DLG1: variants seen among roughly 807,000 people sequenced by gnomAD.
The protein encoded by DLG1 is discs large MAGUK scaffold protein 1.
A neutral mutation model predicts 123.4 loss-of-function variants in DLG1; 42 were observed. The ratio of observed to expected loss-of-function variants is 0.34; its 90% confidence interval spans 0.27 to 0.44. The LOEUF is 0.44. DLG1 is among the 20% of genes least tolerant of loss of function. The pLI, the probability that DLG1 is intolerant of heterozygous loss-of-function variation, is 1.00. For synonymous variants in DLG1, 317 were observed against 356.2 expected, an observed-to-expected ratio of 0.89 and a Z score of 1.24; for missense variants, 942 against 1,082.6, an observed-to-expected ratio of 0.87 and a Z score of 1.82.
intron 16 of DLG1, among the ~76,000 whole-genome samples, chr3:197,082,705 AAC>A (rs1405569349): frequency 6.6e-6 from 1 of 152,226 alleles, no homozygotes; most frequent in African/African-American, 2.4e-5. Context: ...TACATTCAAG[AAC>A]GAAATGGCAT....
At position 197,043,343 on chromosome 3, in the gene DLG1, G is replaced by C. The variant is rs1007740870; in HGVS notation, c.*1280C>G. On this transcript the variant is annotated 3_prime_UTR_variant, in exon 25 of 25. Transcript: ENST00000667157. ...TGACAAGAACAACAGTAACAACACG[G>C]ACAACAACAAAAAACCTCAGGAACC... The C allele has an allele frequency of 6.6e-6, 1 of 152,142 alleles. No individual in the cohort carries two copies. Among genetic ancestry groups the C allele is most frequent in the South Asian group, 2.1e-4 (1 of 4,810 alleles). The allele number at this position is 152,142 out of a possible 1,614,324, so 9.4% of individuals were successfully genotyped here. A position where few individuals can be genotyped will look rare whatever the true frequency, so the allele number is the denominator to read the frequency against.
intron 4 of DLG1, among the ~76,000 whole-genome samples, chr3:197,219,532 T>TAAGC (rs1735841609): frequency 6.6e-6 from 1 of 152,170 alleles, no homozygotes; most frequent in Non-Finnish European, 1.5e-5. Context: ...CCTTTACTAA[T>TAAGC]AAGCCCTGGC....
chr3:197,233,527 C>T (rs1744361025), intron 4 of DLG1, among the ~76,000 whole-genome samples: 1 of 152,188 alleles, frequency 6.6e-6, no homozygotes, highest in South Asian at 2.1e-4. Context: ...GCTGGGATTA[C>T]AGGTGCGCAC....
intron 4 of DLG1, among the ~76,000 whole-genome samples, chr3:197,210,353 A>G (rs1024268696): frequency 2.1e-5 from 3 of 145,286 alleles, no homozygotes; most frequent in African/African-American, 7.3e-5. Flanking sequence ...GTATATTAAC[A>G]AAGCCAAATA....
intron 13 of DLG1, among the ~76,000 whole-genome samples, chr3:197,114,672 A>G (rs1772058969): frequency 6.6e-6 from 1 of 152,190 alleles, no homozygotes; most frequent in South Asian, 2.1e-4. Context: ...TAGCATGTAT[A>G]TGAAAGCTTT....
At chr3:197,295,965 A>G (rs1365187258) in intron 3 of DLG1, among the ~76,000 whole-genome samples, 1 of 152,232 alleles carries the variant, frequency 6.6e-6, no homozygotes, top group Non-Finnish European at 1.5e-5. Flanking sequence ...AAGGGAATGA[A>G]TGTTCTTCAA....
At chr3:197,157,795 T>A (rs1432415719) in intron 5 of DLG1, among the ~76,000 whole-genome samples, 1 of 152,104 alleles carries the variant, frequency 6.6e-6, no homozygotes, top group Non-Finnish European at 1.5e-5. Context: ...CAAAACTTAC[T>A]ACAAAGTTAC....
intron 5 of DLG1, among the ~76,000 whole-genome samples, chr3:197,174,727 G>C (rs1806095369): frequency 6.6e-6 from 1 of 152,080 alleles, no homozygotes; most frequent in African/African-American, 2.4e-5. Context: ...TTTATATACA[G>C]ATAAATGAGG....
At chr3:197,297,334 C>T in intron 1 of DLG1, 99 bp from the exon 2 acceptor site, 1 of 1,516,936 alleles carries the variant, frequency 6.6e-7, no homozygotes, top group Non-Finnish European at 8.8e-7. Context: ...TTTGAAAACC[C>T]CACGTTCCAA....
intron 16 of DLG1, among the ~76,000 whole-genome samples, chr3:197,081,754 G>T (rs996354755): frequency 2.0e-5 from 3 of 152,118 alleles, no homozygotes; most frequent in Admixed American, 1.3e-4. Context: ...TTACCCCTAT[G>T]GAGGTGAAAT....
chr3:197,143,998 C>T (rs543340474), intron 6 of DLG1, among the ~76,000 whole-genome samples: 2 of 152,298 alleles, frequency 1.3e-5, no homozygotes, highest in Non-Finnish European at 2.9e-5. Flanking sequence ...TAAAATTTCT[C>T]GTGATATGAG....
At chr3:197,179,699 T>C (rs1224299932) in intron 5 of DLG1, among the ~76,000 whole-genome samples, 2 of 152,170 alleles carry the variant, frequency 1.3e-5, no homozygotes, top group Non-Finnish European at 2.9e-5. Context: ...ATTAAATTAT[T>C]TGGTAGAAGT....
At chr3:197,086,750 C>CA (rs1754617005) in intron 15 of DLG1, among the ~76,000 whole-genome samples, 1 of 152,008 alleles carries the variant, frequency 6.6e-6, no homozygotes, top group Admixed American at 6.6e-5. Context: ...CTCACTTAAA[C>CA]ATACATTCAA....
intron 4 of DLG1, among the ~76,000 whole-genome samples, chr3:197,215,770 G>GA (rs1449656209): frequency 6.6e-6 from 1 of 152,126 alleles, no homozygotes; most frequent in East Asian, 1.9e-4. Context: ...AAAAAGCAAG[G>GA]AATACCAAAT....
chr3:197,133,805 T>C (rs73084584), intron 10 of DLG1, among the ~76,000 whole-genome samples: 1,638 of 152,132 alleles, frequency 0.011, 32 homozygotes, highest in African/African-American at 0.037. Context: ...AATACCAAGA[T>C]AAAGGGTGAC....
At chr3:197,167,494 T>A (rs189945821) in intron 5 of DLG1, among the ~76,000 whole-genome samples, 1 of 152,310 alleles carries the variant, frequency 6.6e-6, no homozygotes, top group East Asian at 1.9e-4. Flanking sequence ...ATATATCATG[T>A]GATAAAATGT....
chr3:197,109,847 C>T (rs1046905945), intron 13 of DLG1, among the ~76,000 whole-genome samples: 3 of 152,164 alleles, frequency 2.0e-5, no homozygotes, highest in African/African-American at 7.2e-5. Flanking sequence ...TCCATGGTTT[C>T]TGATGAGAAA....
At chr3:197,064,801 CTTTCTTTTTT>C (rs1480392802) in intron 22 of DLG1, among the ~76,000 whole-genome samples, 5 of 151,702 alleles carry the variant, frequency 3.3e-5, no homozygotes, top group South Asian at 2.1e-4. Context: ...ATTTATTGAT[CTTTCTTTTTT>C]TTTCTTTTTT....
At chr3:197,266,663 C>T (rs986517083) in intron 4 of DLG1, among the ~76,000 whole-genome samples, 1 of 151,894 alleles carries the variant, frequency 6.6e-6, no homozygotes, top group Non-Finnish European at 1.5e-5. Flanking sequence ...AATCAAGCTT[C>T]TAGAGGTAAA....
Sources: gnomAD v4.1 joint callset for allele counts (sites outside exome capture counted in the v4.1 genomes callset) on GRCh38, gnomAD v4.1.1 for gene constraint, MANE v1.5 for transcripts, NCBI Gene and HGNC (gene_info 2026-07-23, HGNC 2026-07-21) for gene names.